The following NCBP2 variants were observed in gnomAD, a reference collection of about 807,000 sequenced individuals.
NCBP2 encodes nuclear cap-binding protein subunit 2.
In NCBP2, 8 loss-of-function variants were observed where a neutral mutation model predicts 21.5. The ratio of observed to expected loss-of-function variants is 0.37; its 90% CI spans 0.22 to 0.67. NCBP2 has a LOEUF of 0.67. Ranked by LOEUF, NCBP2 falls within the 30% of genes least tolerant of loss-of-function variation. The pLI, the probability that NCBP2 is intolerant of heterozygous loss-of-function variation, is 0.56. For missense variants in NCBP2, 127 were observed against 206.9 expected (o/e 0.61, Z 2.37); for synonymous variants, 92 against 75.8 (o/e 1.21, Z -1.11).
Position 196,937,914 on chromosome 3 carries a change from T to G in NCBP2, c.261-266A>C, listed in dbSNP as rs2290729. ...GGTCCCATCATCTCTGTATTTTGGT[T>G]TGCAAGTTTAGATCACTGTACACTT... On this transcript the variant is annotated intron_variant, in intron 2 of 3. Coordinates refer to ENST00000321256, the MANE Select transcript of NCBP2 (RefSeq NM_007362.5). The G allele has an allele frequency of 0.012, 5,247 of 449,710 alleles. 326 individuals are homozygous for G. In the East Asian group the frequency reaches 0.16, roughly 14 times the overall value. 27.9% of individuals were successfully genotyped at this position (449,710 alleles called of 1,614,324 possible).
rs1230545675 is a variant in NCBP2 at position 196,939,259 on chromosome 3, A to G, written c.252T>C (p.Cys84=). The change falls in exon 2 of 4, where the codon TGT becomes TGC. Residue 84 remains cysteine, a synonymous_variant. Coordinates refer to ENST00000321256, the MANE Select transcript of NCBP2 (RefSeq NM_007362.5). ...DKMKKTACGF[C]FVEYYSRADA... is the part of the protein sequence containing the mutation. ...ATCCATGGGAAGGATACTCCACAAA[A>G]CAGAATCCACATGCTGTTTTCTTCA... The G allele has an allele frequency of 6.2e-7, 1 of 1,613,454 alleles. No homozygotes were observed.
Position 196,938,006 on chromosome 3 carries a change from G to T in NCBP2, c.261-358C>A, listed in dbSNP as rs555140808. On this transcript the variant is annotated intron_variant, in intron 2 of 3. Transcript: ENST00000321256. ...GTACATTCCAAGGCACCCTAATCAA[G>T]AGAAGGTCACCGTGCACGTGGAATT... 1.4e-3 allele frequency: 264 copies of T among 189,812 alleles called. 1 individual carries two copies. Among genetic ancestry groups the T allele is most frequent in the Non-Finnish European group, 9.5e-4 (85 of 89,910 alleles). The allele number at this position is 189,812 out of a possible 1,614,324, so 11.8% of individuals were successfully genotyped here. A position where few individuals can be genotyped will look rare whatever the true frequency, so the allele number is the denominator to read the frequency against.
rs777345969 is a variant in NCBP2 at position 196,942,411 on chromosome 3, C to T, written c.78+15G>A. 2.5e-6 allele frequency: 4 copies of T among 1,610,566 alleles called. No homozygotes were observed. The highest frequency in any genetic ancestry group is 3.4e-6 in the Non-Finnish European group (4 of 1,178,928). On this transcript the variant is annotated intron_variant, in intron 1 of 3. Transcript: ENST00000321256. ...TGCCCAGGGCCTTCCCGTCTCGCGGCCCGGCCTCCCTCACCCGGAAGTGCT... is the reference window on the plus strand; with the variant it reads ...TGCCCAGGGCCTTCCCGTCTCGCGGTCCGGCCTCCCTCACCCGGAAGTGCT...
chr3:196,942,202 TGG>T (rs2108884976), intron 1 of NCBP2: 1 of 1,454,682 alleles, frequency 6.9e-7, no homozygotes, highest in Non-Finnish European at 9.0e-7. Context: ...TGCGAGCGAA[TGG>T]GATAAGCGAG....
At position 196,936,072 on chromosome 3, in the gene NCBP2, A is replaced by G. The variant is rs941168958; in HGVS notation, c.*939T>C. The G allele has an allele frequency of 6.6e-6, 1 of 152,198 alleles. No homozygotes were observed. The highest frequency in any genetic ancestry group is 2.4e-5 in the African/African-American group (1 of 41,438). 9.4% of individuals were successfully genotyped at this position (152,198 alleles called of 1,614,324 possible). On this transcript the variant is annotated 3_prime_UTR_variant, in exon 4 of 4. Transcript: ENST00000321256. ...GAATAAACTTGCTGGTCCTCATGTC[A>G]AGGCAGTGTTTTCATTGTCTCTTGA...
At chr3:196,941,784 C>T in intron 1 of NCBP2, 1 of 875,140 alleles carries the variant, frequency 1.1e-6, no homozygotes, top group Non-Finnish European at 1.8e-6. Context: ...GTGATATAGT[C>T]CGGACTAAAA....
intron 1 of NCBP2, 111 bp downstream of exon 1, chr3:196,942,315 T>C: frequency 6.5e-7 from 1 of 1,533,292 alleles, no homozygotes; most frequent in Non-Finnish European, 8.8e-7. Context: ...GGGCCCCACT[T>C]GGCGTTTGCG....
rs557366488 is a variant in NCBP2, at chr3:196,935,915, A to C, written c.*1096T>G. The C allele has an allele frequency of 6.6e-6, 1 of 152,296 alleles. No homozygotes were observed. Among genetic ancestry groups the C allele is most frequent in the South Asian group, 2.1e-4 (1 of 4,818 alleles). The allele number at this position is 152,296 out of a possible 1,614,324, so 9.4% of individuals were successfully genotyped here. A position where few individuals can be genotyped will look rare whatever the true frequency, so the allele number is the denominator to read the frequency against. On this transcript the variant is annotated 3_prime_UTR_variant, in exon 4 of 4. Transcript: ENST00000321256. ...GTGAAGGCTTGAGCCTCAGTAGGTA[A>C]AATTTGAGGAAAAAAATGAGAAATG...
chr3:196,937,554 A>C lies in NCBP2; in HGVS notation c.355T>G (p.Phe119Val), dbSNP rs754192964. 6.2e-7 allele frequency: 1 copy of C among 1,614,146 alleles called. No individual in the cohort carries two copies. The highest frequency in any genetic ancestry group is 1.1e-5 in the South Asian group (1 of 91,084). ...CGGCCGTATTGCCTGCCCTCCTTAA[A>C]GCCTGCGTCCCAGTCTGTGCGAATG... The part of the protein sequence containing the change: ...RIIRTDWDAG[F>V]KEGRQYGRGR... The change falls in exon 3 of 4, where the codon TTT becomes GTT. Residue 119 changes from phenylalanine (F) to valine (V), a missense_variant. Coordinates refer to ENST00000321256, the MANE Select transcript of NCBP2 (RefSeq NM_007362.5).
At position 196,937,614 on chromosome 3, in the gene NCBP2, G is replaced by T. The variant is rs772956368; in HGVS notation, c.295C>A (p.Arg99=). 1.9e-6 allele frequency: 3 copies of T among 1,614,130 alleles called. No homozygotes were observed. Among genetic ancestry groups the T allele is most frequent in the South Asian group, 1.1e-5 (1 of 91,090 alleles). ...TCCAGACGCGTCCCATTTATGTACC[G>T]CATGGCGTTTTCCGCATCTGCGCGT... The part of the protein sequence containing the change: ...YSRADAENAM[R]YINGTRLDDR... Residue 99 remains arginine, a synonymous_variant, in exon 3 of 4, where the codon CGG becomes AGG. Coordinates refer to ENST00000321256, the MANE Select transcript of NCBP2 (RefSeq NM_007362.5).
intron 2 of NCBP2, chr3:196,938,688 A>C (rs1357166495): frequency 6.6e-6 from 1 of 152,528 alleles, no homozygotes; most frequent in South Asian, 2.1e-4. Flanking sequence ...GCTGGAACAC[A>C]GTCACAACTC....
chr3:196,940,966 C>T (rs1716521372), intron 1 of NCBP2: 1 of 152,260 alleles, frequency 6.6e-6, no homozygotes, highest in Middle Eastern at 3.2e-3. Flanking sequence ...GTCCCAGCTT[C>T]TCAGGAGGCT....
intron 1 of NCBP2, chr3:196,941,865 C>T: frequency 1.3e-6 from 2 of 1,513,422 alleles, no homozygotes; most frequent in Middle Eastern, 1.7e-4. Flanking sequence ...CCGAGCTTGG[C>T]GGGTCCACCT....
rs556502 is a variant in NCBP2, at chr3:196,938,993, T to C, written c.260+258A>G. The C allele has an allele frequency of 0.76, 295,633 of 388,546 alleles. 114,447 individuals are homozygous for C. The highest frequency in any genetic ancestry group is 0.92 in the East Asian group (20,753 of 22,616). The allele number at this position is 388,546 out of a possible 1,614,324, so 24.1% of individuals were successfully genotyped here. A position where few individuals can be genotyped will look rare whatever the true frequency, so the allele number is the denominator to read the frequency against. On this transcript the variant is annotated intron_variant, in intron 2 of 3. Transcript: ENST00000321256. ...CAGTACGAGATTTTTATATTTTCACTACATTCTTTGGAATTTTTTTTTTTT... is the reference window on the plus strand; with the variant it reads ...CAGTACGAGATTTTTATATTTTCACCACATTCTTTGGAATTTTTTTTTTTT...
Position 196,940,287 on chromosome 3 carries a change from G to T in NCBP2, c.79-855C>A, listed in dbSNP as rs1005588935. Reference sequence around the variant, plus strand: ...CTCGGGAGGCTGAAGCAGGAGAATCGCTTGAACCTGGGAGGTGGAGGTTGC... The same window carrying T: ...CTCGGGAGGCTGAAGCAGGAGAATCTCTTGAACCTGGGAGGTGGAGGTTGC... On this transcript the variant is annotated intron_variant, in intron 1 of 3. Transcript: ENST00000321256. Among the ~76,000 whole-genome samples the T allele has an allele frequency of 2.0e-5, 3 of 152,192 alleles. No individual in the cohort carries two copies. The East Asian group carries it at 5.8e-4, about 29-fold the overall frequency.
rs936807709 is a variant in NCBP2, at chr3:196,935,932, T to C, written c.*1079A>G. ...AGTAGGTAAAATTTGAGGAAAAAAA[T>C]GAGAAATGGCTAAAAGAGGCATCTG... On this transcript the variant is annotated 3_prime_UTR_variant, in exon 4 of 4. Coordinates refer to ENST00000321256, the MANE Select transcript of NCBP2 (RefSeq NM_007362.5). The C allele has an allele frequency of 2.6e-5, 4 of 152,022 alleles. No homozygotes were observed. Among genetic ancestry groups the C allele is most frequent in the Admixed American group, 1.3e-4 (2 of 15,264 alleles). 9.4% of individuals were successfully genotyped at this position (152,022 alleles called of 1,614,324 possible).
intron 1 of NCBP2, among the ~76,000 whole-genome samples, chr3:196,940,417 G>A (rs560669785): frequency 7.0e-6 from 1 of 142,344 alleles, no homozygotes; most frequent in East Asian, 4.2e-4. Context: ...ATGTTAAAAA[G>A]AGGTTTTCGG....
At chr3:196,937,207 G>T in intron 3 of NCBP2, 125 bp from the exon 4 acceptor site, 2 of 993,056 alleles carry the variant, frequency 2.0e-6, no homozygotes, top group Non-Finnish European at 3.2e-6. Flanking sequence ...TTTCAAGCAG[G>T]ACATATGCAC....
chr3:196,939,912 T>TAG (rs1463828071), intron 1 of NCBP2: 3 of 153,050 alleles, frequency 2.0e-5, no homozygotes, highest in African/African-American at 7.2e-5. Context: ...TCATAGATCT[T>TAG]TCTCTGAGTT....
Sources: allele counts gnomAD v4.1 joint callset (sites outside exome capture counted in the v4.1 genomes callset), GRCh38; gene constraint gnomAD v4.1.1; transcripts MANE v1.5; gene names NCBI Gene and HGNC (gene_info 2026-07-23, HGNC 2026-07-21).